The following ACSBG2 variants were observed in gnomAD, a reference collection of about 807,000 sequenced individuals.
ACSBG2 encodes the protein acyl-CoA synthetase bubblegum family member 2, also known as long-chain-fatty-acid--CoA ligase ACSBG2.
ACSBG2 carries 62 observed loss-of-function variants against 74.7 expected under a neutral mutation model. The observed-to-expected ratio is 0.83, with a 90% CI of 0.68 to 1.03. The LOEUF is 1.03. Among genes scored for constraint, ACSBG2 ranks in the 50% least tolerant of loss-of-function variants. The pLI is 0.00. For missense variants in ACSBG2, 730 were observed against 817.6 expected (o/e 0.89, Z 1.31); for synonymous variants, 309 against 294.1 (o/e 1.05, Z -0.52).
chr19:6,155,922 C>A (rs200829718), intron 4 of ACSBG2, among the ~76,000 whole-genome samples: 86 of 140,394 alleles, frequency 6.1e-4, no homozygotes, highest in Non-Finnish European at 7.3e-4. Context: ...AATAAAAAGG[C>A]AAAAAAAAAA....
At chr19:6,192,252 G>T (rs554771462) in intron 14 of ACSBG2, among the ~76,000 whole-genome samples, 2 of 152,122 alleles carry the variant, frequency 1.3e-5, no homozygotes, top group African/African-American at 4.8e-5. Context: ...TTGCTCTGTT[G>T]CTCAGGCTAG....
intron 1 of ACSBG2, among the ~76,000 whole-genome samples, chr19:6,141,002 G>C (rs1034184854): frequency 1.3e-5 from 2 of 152,122 alleles, no homozygotes; most frequent in African/African-American, 2.4e-5. Context: ...ACATATGAGG[G>C]AAATCAAGCT....
chr19:6,145,498 A>G (rs1327462743), intron 2 of ACSBG2, among the ~76,000 whole-genome samples: 1 of 151,098 alleles, frequency 6.6e-6, no homozygotes, highest in Non-Finnish European at 1.5e-5. Context: ...ACAGCTGCCT[A>G]CTCTACCATT....
rs892615498 is a variant in ACSBG2 at position 6,145,965 on chromosome 19, G to A, written c.68-1481G>A. On this transcript the variant is annotated intron_variant, in intron 2 of 14. Coordinates refer to ENST00000588485, the MANE Select transcript of ACSBG2 (RefSeq NM_030924.5). The stretch of plus-strand genomic sequence containing the variant: ...AATGGACGATGGGGAATTATGCACC[G>A]GGTCTTAAATCTTCTCCCCATGAAC... Among the ~76,000 whole-genome samples the A allele has an allele frequency of 3.3e-5, 5 of 152,134 alleles. No homozygotes were observed. In the South Asian group the frequency reaches 6.2e-4, roughly 19 times the overall value.
At chr19:6,142,214 C>T (rs925746921) in intron 2 of ACSBG2, among the ~76,000 whole-genome samples, 22 of 152,124 alleles carry the variant, frequency 1.4e-4, no homozygotes, top group South Asian at 1.2e-3. Flanking sequence ...TTGGTGAGCC[C>T]GAGTGGATAA....
chr19:6,162,923 T>C (rs1290925875), intron 6 of ACSBG2, among the ~76,000 whole-genome samples: 2 of 151,580 alleles, frequency 1.3e-5, no homozygotes, highest in African/African-American at 2.4e-5. Flanking sequence ...AAGACGCTAA[T>C]TTATAGGGGA....
chr19:6,139,124 G>T (rs927845305), intron 1 of ACSBG2, among the ~76,000 whole-genome samples: 16 of 145,582 alleles, frequency 1.1e-4, no homozygotes, highest in Admixed American at 2.1e-4. Flanking sequence ...GTTTTGCTCT[G>T]TCACCCAGGC....
At chr19:6,184,860 A>ACAAAACAAACAAAC (rs1568254722) in intron 10 of ACSBG2, among the ~76,000 whole-genome samples, 6 of 142,342 alleles carry the variant, frequency 4.2e-5, no homozygotes, top group East Asian at 2.0e-4. Context: ...AAAAAAAAAA[A>ACAAAACAAACAAAC]AAAAAAAAAA....
At chr19:6,190,806 C>CAG in intron 14 of ACSBG2, 114 bp downstream of exon 14, 2 of 526,676 alleles carry the variant, frequency 3.8e-6, no homozygotes, top group Non-Finnish European at 6.9e-6. Context: ...CACATACACA[C>CAG]ATACATACAC....
At chr19:6,190,808 TACATACACACAC>T (rs2090542576) in intron 14 of ACSBG2, 116 bp downstream of exon 14, 5 of 387,576 alleles carry the variant, frequency 1.3e-5, no homozygotes, top group Non-Finnish European at 2.4e-5. Flanking sequence ...CATACACACA[TACATACACACAC>T]ACACACACAC....
At position 6,149,697 on chromosome 19, in the gene ACSBG2, G is replaced by A. The variant is rs1195582261; in HGVS notation, c.298-2010G>A. ...AATTTTTTGTATATTTAGTAGAGAC[G>A]GGGTTTCATCTTGTGGGCCAGGCTG... On this transcript the variant is annotated intron_variant, in intron 3 of 14. Coordinates refer to ENST00000588485, the MANE Select transcript of ACSBG2 (RefSeq NM_030924.5). Among the ~76,000 whole-genome samples the A allele has an allele frequency of 5.9e-5, 9 of 152,036 alleles. No individual in the cohort carries two copies. The South Asian group carries it at 1.0e-3, about 18-fold the overall frequency.
Position 6,151,747 on chromosome 19 carries a change from T to C in ACSBG2, c.338T>C (p.Phe113Ser). 6.2e-7 allele frequency: 1 copy of C among 1,603,930 alleles called. No individual in the cohort carries two copies. Among genetic ancestry groups the C allele is most frequent in the Non-Finnish European group, 8.5e-7 (1 of 1,175,058 alleles). ...ERFHGVGILGFNSAEWFITAV... is the reference protein window; with the variant it reads ...ERFHGVGILGSNSAEWFITAV... ...TTCCACGGAGTTGGTATCCTGGGGT[T>C]TAACTCTGCAGAGTGGTTTATCACT... is the stretch of plus-strand genomic sequence containing the variant. Residue 113 changes from phenylalanine to serine, a missense_variant, in exon 4 of 15, where the codon TTT (phenylalanine) becomes TCT (serine). Phe to Ser is a radical substitution (Grantham distance 155, BLOSUM62 -2). Coordinates refer to ENST00000588485, the MANE Select transcript of ACSBG2 (RefSeq NM_030924.5).
intron 7 of ACSBG2, chr19:6,175,313 A>G (rs960506175): frequency 2.6e-5 from 4 of 152,364 alleles, no homozygotes; most frequent in African/African-American, 4.8e-5. Flanking sequence ...AGCACCTAGT[A>G]TGTACTGGGG....
At chr19:6,137,735 C>T (rs2144971606) in intron 1 of ACSBG2, among the ~76,000 whole-genome samples, 1 of 152,206 alleles carries the variant, frequency 6.6e-6, no homozygotes, top group Non-Finnish European at 1.5e-5. Flanking sequence ...GCAACCTCTG[C>T]CTCTTGGGTT....
intron 8 of ACSBG2, among the ~76,000 whole-genome samples, chr19:6,182,475 G>A (rs950156721): frequency 4.6e-5 from 7 of 152,206 alleles, no homozygotes; most frequent in African/African-American, 9.6e-5. Context: ...CCACAGAAGT[G>A]AAGTTGACAG....
chr19:6,182,776 A>G lies in ACSBG2; in HGVS notation c.932A>G (p.Glu311Gly). Reference protein sequence around the residue: ...LKGTLVSTLKEVKPTVFIGVP... With the variant: ...LKGTLVSTLKGVKPTVFIGVP... ...GGCACCTTGGTAAGTACTCTAAAGGAGGTAAAACCTACTGTCTTCATTGGA... is the reference window on the plus strand; with the variant it reads ...GGCACCTTGGTAAGTACTCTAAAGGGGGTAAAACCTACTGTCTTCATTGGA... Residue 311 changes from glutamate to glycine, a missense_variant, in exon 9 of 15, where the codon GAG becomes GGG. Coordinates refer to ENST00000588485, the MANE Select transcript of ACSBG2 (RefSeq NM_030924.5). The G allele has an allele frequency of 1.2e-6, 2 of 1,614,178 alleles. No homozygotes were observed. Among genetic ancestry groups the G allele is most frequent in the Non-Finnish European group, 1.7e-6 (2 of 1,180,014 alleles).
chr19:6,161,388 A>T, intron 6 of ACSBG2, 93 bp downstream of exon 6: 1 of 1,229,284 alleles, frequency 8.1e-7, no homozygotes, highest in Non-Finnish European at 1.2e-6. Flanking sequence ...CAGAGGGAGG[A>T]GGTCGGACCT....
At chr19:6,162,077 T>G (rs113389722) in intron 6 of ACSBG2, among the ~76,000 whole-genome samples, 2,317 of 150,914 alleles carry the variant, frequency 0.015, 20 homozygotes, top group Non-Finnish European at 0.023. Flanking sequence ...ACCATCCTGG[T>G]CAACATGGTG....
At chr19:6,179,621 A>G (rs2090189513) in intron 8 of ACSBG2, among the ~76,000 whole-genome samples, 2 of 152,002 alleles carry the variant, frequency 1.3e-5, no homozygotes, top group South Asian at 4.2e-4. Context: ...ATATTTATTT[A>G]TTTATTTAGA....
Sources: gnomAD v4.1 joint callset for allele counts (sites outside exome capture counted in the v4.1 genomes callset) on GRCh38, gnomAD v4.1.1 for gene constraint, MANE v1.5 for transcripts, NCBI Gene and HGNC (gene_info 2026-07-23, HGNC 2026-07-21) for gene names.